GBP1: variants seen among roughly 807,000 people sequenced by gnomAD.
GBP1 encodes the protein guanylate binding protein 1, also known as guanylate-binding protein 1.
A neutral mutation model predicts 69.5 loss-of-function variants in GBP1; 64 were observed. The ratio of observed to expected loss-of-function variants is 0.92; its 90% CI spans 0.75 to 1.13. The LOEUF is 1.13. Ranked by LOEUF, GBP1 falls within the 50% of genes most tolerant of loss-of-function variation. The pLI is 0.00. For synonymous variants in GBP1, 250 were observed against 261.2 expected (o/e 0.96, Z 0.41); for missense variants, 630 against 704.1 (o/e 0.89, Z 1.19).
Position 89,056,083 on chromosome 1 carries a change from C to T in GBP1, c.1301G>A (p.Arg434His), listed in dbSNP as rs186728753. ...GTCTTGTAGCTTCTGAACAAAGAGA[C>T]GATAGCCCCCTGGTTTCGAATAAAT... Reference protein sequence around the residue: ...AGIYSKPGGYRLFVQKLQDLK... With the variant: ...AGIYSKPGGYHLFVQKLQDLK... Residue 434 changes from arginine to histidine, a missense_variant, in exon 8 of 11, where the codon CGT becomes CAT. By Grantham distance (29) the Arg-to-His change is conservative. Transcript: ENST00000370473. 1.3e-4 allele frequency: 209 copies of T among 1,613,936 alleles called. No homozygotes were observed. Among genetic ancestry groups the T allele is most frequent in the East Asian group, 7.6e-4 (34 of 44,882 alleles).
Position 89,059,367 on chromosome 1 carries a change from G to A in GBP1, c.378C>T (p.Phe126=), listed in dbSNP as rs748411091. 9.9e-6 allele frequency: 16 copies of A among 1,614,078 alleles called. No homozygotes were observed. The highest frequency in any genetic ancestry group is 6.7e-5 in the East Asian group (3 of 44,874). The change falls in exon 4 of 11, where the codon TTC becomes TTT. Residue 126 remains phenylalanine, a synonymous_variant. Coordinates refer to ENST00000370473, the MANE Select transcript of GBP1 (RefSeq NM_002053.3). ...TGATGGTTCCTATGCTATTGTACAC[G>A]AAGGTGCTGCTCAGGAGGACGGCCA... The part of the protein sequence containing the change: ...FALAVLLSST[F]VYNSIGTINQ...
chr1:89,063,198 G>A lies in GBP1; in HGVS notation c.37C>T (p.Leu13Phe), dbSNP rs769523002. The A allele has an allele frequency of 1.2e-6, 2 of 1,614,042 alleles. No individual in the cohort carries two copies. The highest frequency in any genetic ancestry group is 2.2e-5 in the East Asian group (1 of 44,890). Residue 13 changes from leucine to phenylalanine, a missense_variant, in exon 2 of 11, where the codon CTC (leucine) becomes TTC (phenylalanine). Physicochemically the swap from Leu to Phe is conservative, Grantham distance 22. Coordinates refer to ENST00000370473, the MANE Select transcript of GBP1 (RefSeq NM_002053.3). ...AGTCGCCCATTAGTGTTCTCAATGA[G>A]GCACATTGGGCCTGTCATGTGGATC... is the stretch of plus-strand genomic sequence containing the variant. ...SEIHMTGPMC[L>F]IENTNGRLMA...
chr1:89,053,449 T>G lies in GBP1; in HGVS notation c.1685A>C (p.Lys562Thr). The G allele has an allele frequency of 6.2e-7, 1 of 1,613,814 alleles. No individual in the cohort carries two copies. The highest frequency in any genetic ancestry group is 8.5e-7 in the Non-Finnish European group (1 of 1,179,960). ...TCTGCTTTCTTTTTGAAATCCCTCT[T>G]TTAGTAGTTGCTCCTGTTCCTAAAA... Reference protein sequence around the residue: ...LKLQEQEQLLKEGFQKESRIM... With the variant: ...LKLQEQEQLLTEGFQKESRIM... Residue 562 changes from lysine to threonine, a missense_variant, in exon 11 of 11, where the codon AAA becomes ACA. By Grantham distance (78) the Lys-to-Thr change is moderately conservative (BLOSUM62 -1). This residue lies in a region of GBP1 where 71 missense variants were observed against 72.7 expected (regional missense o/e 0.98). Coordinates refer to ENST00000370473, the MANE Select transcript of GBP1 (RefSeq NM_002053.3).
intron 9 of GBP1, 103 bp from the exon 10 acceptor site, chr1:89,054,978 C>T (rs1680008186): frequency 1.4e-6 from 2 of 1,437,462 alleles, no homozygotes; most frequent in South Asian, 2.5e-5. Context: ...ATATGCCCTA[C>T]TCAGAGATGA....
chr1:89,058,834 C>G lies in GBP1; in HGVS notation c.631+7G>C, dbSNP rs1356670413. 3 of 1,613,504 alleles carry G rather than the reference C, an allele frequency of 1.9e-6. No individual in the cohort carries two copies. Among genetic ancestry groups the G allele is most frequent in the South Asian group, 1.1e-5 (1 of 91,058 alleles). On this transcript the variant is annotated splice_region_variant and intron_variant, in intron 5 of 10. Transcript: ENST00000370473. The stretch of plus-strand genomic sequence containing the variant: ...ATCCTCATTTATCAGTTGAAGCTCT[C>G]TGTTACCTTTCTTCAGCTTCAGGGA...
chr1:89,055,539 T>C (rs1570935834), intron 8 of GBP1: 4 of 328,440 alleles, frequency 1.2e-5, no homozygotes, highest in Non-Finnish European at 1.7e-5. Flanking sequence ...GAAGCCATCA[T>C]TGAGAAAGCA....
rs1680067137 is a variant in GBP1, at chr1:89,057,029, G to A, written c.980C>T (p.Ala327Val). 6.2e-7 allele frequency: 1 copy of A among 1,614,208 alleles called. No individual in the cohort carries two copies. The highest frequency in any genetic ancestry group is 8.5e-7 in the Non-Finnish European group (1 of 1,180,038). Reference sequence around the variant, plus strand: ...ATAGTGGGCAATAGCCTTTTGCACTGCAGCTGAGTTCTCTATCTGGGCCAA... The same window carrying A: ...ATAGTGGGCAATAGCCTTTTGCACTACAGCTGAGTTCTCTATCTGGGCCAA... The part of the protein sequence containing the change: ...LALAQIENSA[A>V]VQKAIAHYEQ... The change falls in exon 7 of 11, where the codon GCA (alanine) becomes GTA (valine). Residue 327 changes from alanine (A) to valine (V), a missense_variant. Physicochemically the swap from Ala to Val is moderately conservative, Grantham distance 64. Coordinates refer to ENST00000370473, the MANE Select transcript of GBP1 (RefSeq NM_002053.3).
chr1:89,060,387 GA>G (rs1680150467), intron 2 of GBP1, 63 bp from the exon 3 acceptor site: 2 of 1,405,798 alleles, frequency 1.4e-6, no homozygotes, highest in Non-Finnish European at 1.9e-6. Context: ...GCAATTGAAG[GA>G]AAAAGTAGTA....
Position 89,058,984 on chromosome 1 carries a change from T to A in GBP1, c.488A>T (p.Asn163Ile). The part of the protein sequence containing the change: ...RSKSSPDENE[N>I]EVEDSADFVS... Reference sequence around the variant, plus strand: ...AAAGTCAGCTGAATCCTCAACCTCATTCTCATTCTCATCAGGTGAGGATTT... The same window carrying A: ...AAAGTCAGCTGAATCCTCAACCTCAATCTCATTCTCATCAGGTGAGGATTT... The change falls in exon 5 of 11, where the codon AAT (asparagine) becomes ATT (isoleucine). Residue 163 changes from asparagine (N) to isoleucine (I), a missense_variant. Around this residue, in one of 5 missense-constraint regions of GBP1, gnomAD observed 367 missense variants for 369.5 expected, o/e 0.99. Coordinates refer to ENST00000370473, the MANE Select transcript of GBP1 (RefSeq NM_002053.3). 6.2e-7 allele frequency: 1 copy of A among 1,614,164 alleles called. No individual in the cohort carries two copies. The highest frequency in any genetic ancestry group is 1.1e-5 in the South Asian group (1 of 91,084).
At chr1:89,059,882 G>A (rs189251571) in intron 3 of GBP1, among the ~76,000 whole-genome samples, 12 of 152,080 alleles carry the variant, frequency 7.9e-5, no homozygotes, top group Admixed American at 5.2e-4. Flanking sequence ...ATACTATATG[G>A]CCAACATAGG....
At chr1:89,057,279 T>C (rs2101224613) in intron 6 of GBP1, 145 bp from the exon 7 acceptor site, 1 of 1,155,120 alleles carries the variant, frequency 8.7e-7, no homozygotes, top group Non-Finnish European at 1.2e-6. Flanking sequence ...AAATAGACTC[T>C]CAGACCCTGT....
At chr1:89,062,858 C>A (rs1388846036) in intron 2 of GBP1, 187 bp downstream of exon 2, 2 of 666,548 alleles carry the variant, frequency 3.0e-6, no homozygotes, top group African/African-American at 1.8e-5. Flanking sequence ...ACTAAGGTAT[C>A]ATGGGAATAA....
In GBP1 at chr1:89,060,210, C is replaced by T. The variant is rs865916158; in HGVS notation, c.305G>A (p.Gly102Glu). 6.2e-7 allele frequency: 1 copy of T among 1,600,968 alleles called. No individual in the cohort carries two copies. The highest frequency in any genetic ancestry group is 1.1e-5 in the South Asian group (1 of 88,734). Residue 102 changes from glycine to glutamate, a missense_variant, in exon 3 of 11, where the codon GGA (glycine) becomes GAA (glutamate). Around this residue, in one of 5 missense-constraint regions of GBP1, gnomAD observed 131 missense variants for 138.5 expected, o/e 0.95. Transcript: ENST00000370473. ...ILVLLDTEGL[G>E]DVEKGDNQND... ...CTTGAGTCTCACCTTCTCTACATCT[C>T]CCAGACCCTCGGTGTCCAGCAGAAC...
At chr1:89,062,436 G>A (rs1266543265) in intron 2 of GBP1, among the ~76,000 whole-genome samples, 4 of 152,148 alleles carry the variant, frequency 2.6e-5, no homozygotes, top group African/African-American at 7.2e-5. Flanking sequence ...CTTATATAAG[G>A]TTTCTGTAGT....
intron 2 of GBP1, among the ~76,000 whole-genome samples, chr1:89,060,755 A>AAAAGT (rs1680158178): frequency 6.6e-6 from 1 of 152,284 alleles, no homozygotes. Flanking sequence ...TTGGTAATGA[A>AAAAGT]AAAGTAAAAT....
rs1679959929 is a variant in GBP1, at chr1:89,053,140, T to C, written c.*215A>G. ...GTACCAGCTTATGAGATTTCCTGAG[T>C]TGATACAGAGGTAAATGCATCTTTG... On this transcript the variant is annotated 3_prime_UTR_variant, in exon 11 of 11. Transcript: ENST00000370473. 2 of 434,568 alleles carry C rather than the reference T, an allele frequency of 4.6e-6. No homozygotes were observed. Among genetic ancestry groups the C allele is most frequent in the Non-Finnish European group, 8.1e-6 (2 of 247,496 alleles). 26.9% of individuals were successfully genotyped at this position (434,568 alleles called of 1,614,324 possible). A position where few individuals can be genotyped will look rare whatever the true frequency, so the allele number is the denominator to read the frequency against.
chr1:89,064,369 T>A (rs1055852040), intron 1 of GBP1, among the ~76,000 whole-genome samples: 2 of 151,902 alleles, frequency 1.3e-5, no homozygotes, highest in African/African-American at 2.4e-5. Flanking sequence ...GTAGTCTGAG[T>A]GCATGGAGAG....
At chr1:89,054,028 T>C (rs1679982467) in intron 10 of GBP1, among the ~76,000 whole-genome samples, 1 of 152,270 alleles carries the variant, frequency 6.6e-6, no homozygotes, top group South Asian at 2.1e-4. Flanking sequence ...CTTAATTATT[T>C]ATTCTTTTTG....
intron 1 of GBP1, among the ~76,000 whole-genome samples, chr1:89,064,220 TGTGTGTGTGTGTGTGTGTGTGA>T (rs1211668366): frequency 7.2e-6 from 1 of 139,064 alleles, no homozygotes; most frequent in Non-Finnish European, 1.5e-5. Context: ...TGTGTGTGTG[TGTGTGTGTGTGTGTGTGTGTGA>T]GAGAGAGAGA....
Sources: allele counts gnomAD v4.1 joint callset (sites outside exome capture counted in the v4.1 genomes callset), GRCh38; gene constraint gnomAD v4.1.1; regional missense constraint gnomAD v4.1.1; transcripts MANE v1.5; gene names NCBI Gene and HGNC (gene_info 2026-07-23, HGNC 2026-07-21).